The following PCDHA5 variants were observed in gnomAD, a reference collection of about 807,000 sequenced individuals.
PCDHA5 encodes protocadherin alpha-5.
In PCDHA5, 43 loss-of-function variants were observed where a neutral mutation model predicts 61.6. The observed-to-expected ratio is 0.70, with a 90% confidence interval of 0.55 to 0.90. The LOEUF (loss-of-function observed/expected upper bound fraction) is 0.90. PCDHA5 is among the 40% of genes least tolerant of loss of function. PCDHA5 has a pLI of 0.00. For missense variants in PCDHA5, 1,298 were observed against 1,222.7 expected (o/e 1.06, Z -0.92); for synonymous variants, 627 against 543.9 (o/e 1.15, Z -2.13).
intron 1 of PCDHA5, among the ~76,000 whole-genome samples, chr5:140,941,845 C>T (rs2093180727): frequency 6.6e-6 from 1 of 152,160 alleles, no homozygotes. Context: ...GCTGCCATTA[C>T]CTGATATTCC....
chr5:140,894,098 T>C (rs1025974161), intron 1 of PCDHA5, among the ~76,000 whole-genome samples: 2 of 152,178 alleles, frequency 1.3e-5, no homozygotes, highest in Non-Finnish European at 2.9e-5. Flanking sequence ...TTCTAGCTCC[T>C]GGTGTTGCAG....
At chr5:140,924,395 G>C (rs919795787) in intron 1 of PCDHA5, among the ~76,000 whole-genome samples, 1 of 152,024 alleles carries the variant, frequency 6.6e-6, no homozygotes, top group East Asian at 1.9e-4. Context: ...TACTTATATT[G>C]CCTTATATCA....
chr5:140,871,499 G>T, intron 1 of PCDHA5: 1 of 1,584,436 alleles, frequency 6.3e-7, no homozygotes, highest in Admixed American at 1.8e-5. Flanking sequence ...GGACAGGTGA[G>T]TTTTCTACAG....
chr5:141,005,814 A>G (rs947359019), intron 3 of PCDHA5, among the ~76,000 whole-genome samples: 1 of 149,766 alleles, frequency 6.7e-6, no homozygotes, highest in Non-Finnish European at 1.5e-5. Context: ...GGAGCCAGGT[A>G]TGGTGGCCTG....
chr5:140,868,148 T>C (rs980442760), intron 1 of PCDHA5: 1 of 152,150 alleles, frequency 6.6e-6, no homozygotes, highest in African/African-American at 2.4e-5. Context: ...ATTGATTCTG[T>C]TACATAAAGT....
At chr5:140,871,302 G>A in intron 1 of PCDHA5, 1 of 1,613,972 alleles carries the variant, frequency 6.2e-7, no homozygotes, top group Non-Finnish European at 8.5e-7. Context: ...CGTGCGCGCC[G>A]GGGAAGCCCA....
chr5:140,869,894 T>A lies in PCDHA5; in HGVS notation c.2352+45767T>A, dbSNP rs1234875307. 5 of 1,610,472 alleles carry A rather than the reference T, an allele frequency of 3.1e-6. No individual in the cohort carries two copies. The African/African-American group carries it at 4.0e-5, about 13-fold the overall frequency. On this transcript the variant is annotated intron_variant, in intron 1 of 3. Coordinates refer to ENST00000529859, the MANE Select transcript of PCDHA5 (RefSeq NM_018908.3). ...GCTAAAGAAACTCTTGTGCTCAAAC[T>A]AAACGCCACAGACCGAGACGAAGGA...
rs2150224135 is a variant in PCDHA5, at chr5:140,834,676, G to A, written c.2352+10549G>A. The A allele has an allele frequency of 3.3e-5, 53 of 1,614,126 alleles. No individual in the cohort carries two copies. Among genetic ancestry groups the A allele is most frequent in the Non-Finnish European group, 4.2e-5 (50 of 1,180,052 alleles). On this transcript the variant is annotated intron_variant, in intron 1 of 3. Coordinates refer to ENST00000529859, the MANE Select transcript of PCDHA5 (RefSeq NM_018908.3). ...ATCGACCGCGAGGAGCTGTGCGGGC[G>A]GAGCGCGGAGTGCAGCATCCACCTG...
intron 1 of PCDHA5, chr5:140,929,048 G>A (rs782818540): frequency 1.9e-5 from 31 of 1,614,088 alleles, no homozygotes; most frequent in Middle Eastern, 1.6e-4. Flanking sequence ...CAGAGCTGCT[G>A]TCGCTCTACA....
In PCDHA5 at chr5:140,849,618, A is replaced by T. The variant is rs2150442599; in HGVS notation, c.2352+25491A>T. On this transcript the variant is annotated intron_variant, in intron 1 of 3. Transcript: ENST00000529859. ...GACAGTTATTGCCCTGATTAGTGTG[A>T]TCGACCTAGACGCAGATGCCAACGG... is the stretch of plus-strand genomic sequence containing the variant. The T allele has an allele frequency of 1.9e-6, 3 of 1,598,686 alleles. No individual in the cohort carries two copies. The South Asian group carries it at 3.3e-5, about 18-fold the overall frequency.
chr5:140,869,999 G>A, intron 1 of PCDHA5: 1 of 1,613,514 alleles, frequency 6.2e-7, no homozygotes, highest in Non-Finnish European at 8.5e-7. Context: ...CAAAATAATG[G>A]AGAAGTGAGG....
At chr5:141,005,093 G>A (rs1441843884) in intron 3 of PCDHA5, among the ~76,000 whole-genome samples, 1 of 152,172 alleles carries the variant, frequency 6.6e-6, no homozygotes, top group East Asian at 1.9e-4. Flanking sequence ...TACTTTACAT[G>A]CATTACATCA....
Position 140,822,892 on chromosome 5 carries a change from G to C in PCDHA5, c.1117G>C (p.Val373Leu). The change falls in exon 1 of 4, where the codon GTG becomes CTG. Residue 373 changes from valine to leucine, a missense_variant. By Grantham distance (32) the Val-to-Leu change is conservative. Coordinates refer to ENST00000529859, the MANE Select transcript of PCDHA5 (RefSeq NM_018908.3). ...CAGCACGGTCATTGCTCTGATCAGC[G>C]TGTCTGACCGTGACTCAGGTGCCAA... ...PLSTVIALIS[V>L]SDRDSGANGQ... is the part of the protein sequence containing the mutation. The C allele has an allele frequency of 6.2e-7, 1 of 1,614,212 alleles. No homozygotes were observed. The highest frequency in any genetic ancestry group is 8.5e-7 in the Non-Finnish European group (1 of 1,180,052).
intron 3 of PCDHA5, among the ~76,000 whole-genome samples, chr5:140,990,502 A>T (rs1303617067): frequency 6.6e-6 from 1 of 152,164 alleles, no homozygotes; most frequent in African/African-American, 2.4e-5. Context: ...ACATTCCCCA[A>T]GTCTTCTCTC....
chr5:141,010,226 C>T lies in PCDHA5; in HGVS notation c.*289C>T, dbSNP rs1386050566. ...CGCCGCAAAGGAGAGGCTTCCCAGC[C>T]CCGCCAGTGAGAGGTTGGACTCTCT... On this transcript the variant is annotated 3_prime_UTR_variant, in exon 4 of 4. Transcript: ENST00000529859. 6.4e-7 allele frequency: 1 copy of T among 1,551,824 alleles called. No homozygotes were observed. Among genetic ancestry groups the T allele is most frequent in the Admixed American group, 2.0e-5 (1 of 51,014 alleles).
At chr5:140,883,575 GGGCCAC>G (rs1239547262) in intron 1 of PCDHA5, 1 of 1,613,954 alleles carries the variant, frequency 6.2e-7, no homozygotes, top group African/African-American at 1.3e-5. Flanking sequence ...CCTTCGCTGT[GGGCCAC>G]GGCCAGCGTG....
Position 140,822,155 on chromosome 5 carries a change from A to T in PCDHA5, c.380A>T (p.Asp127Val). ...HVEVAVKDIN[D>V]NPPRFSRQEQ... ...GAGGTGGCAGTGAAGGACATCAATG[A>T]CAATCCGCCCAGGTTCTCCAGACAA... The change falls in exon 1 of 4, where the codon GAC becomes GTC. Residue 127 changes from aspartate (D) to valine (V), a missense_variant. By Grantham distance (152) the Asp-to-Val change is radical. Coordinates refer to ENST00000529859, the MANE Select transcript of PCDHA5 (RefSeq NM_018908.3). The T allele has an allele frequency of 6.2e-7, 1 of 1,614,248 alleles. No homozygotes were observed. Among genetic ancestry groups the T allele is most frequent in the Non-Finnish European group, 8.5e-7 (1 of 1,180,040 alleles).
In PCDHA5 at chr5:141,010,605, A is replaced by G. The variant is rs2098417765; in HGVS notation, c.*668A>G. ...AAAGTCTGTTGGCTGTGACGTCATT[A>G]TACCTAAAATCTGCATCATACCTGC... On this transcript the variant is annotated 3_prime_UTR_variant, in exon 4 of 4. Transcript: ENST00000529859. 1 of 206,202 alleles carries G rather than the reference A, an allele frequency of 4.8e-6. No individual in the cohort carries two copies. Among genetic ancestry groups the G allele is most frequent in the Non-Finnish European group, 9.9e-6 (1 of 101,122 alleles). 12.8% of individuals were successfully genotyped at this position (206,202 alleles called of 1,614,324 possible). A position where few individuals can be genotyped will look rare whatever the true frequency, so the allele number is the denominator to read the frequency against.
chr5:140,877,702 G>T, intron 1 of PCDHA5: 2 of 1,613,996 alleles, frequency 1.2e-6, no homozygotes, highest in Admixed American at 3.3e-5. Context: ...GTGCTCCAGC[G>T]CCGTGGGGAG....
Sources: allele counts gnomAD v4.1 joint callset (sites outside exome capture counted in the v4.1 genomes callset), GRCh38; gene constraint gnomAD v4.1.1; transcripts MANE v1.5; gene names NCBI Gene and HGNC (gene_info 2026-07-23, HGNC 2026-07-21).